PPP2R2B: variants seen among roughly 807,000 people sequenced by gnomAD.
PPP2R2B encodes protein phosphatase 2 regulatory subunit Bbeta.
Under a neutral mutation model 46.0 loss-of-function variants are expected in PPP2R2B, and 5 were observed. The observed-to-expected ratio is 0.11, with a 90% CI of 0.06 to 0.23. The LOEUF (loss-of-function observed/expected upper bound fraction) is 0.23, where lower values mean the gene tolerates loss of function less well. Ranked by LOEUF, PPP2R2B falls within the 10% of genes least tolerant of loss-of-function variation. PPP2R2B has a pLI of 1.00. For missense variants in PPP2R2B, 367 were observed against 575.0 expected (o/e 0.64, Z 3.70); for synonymous variants, 215 against 206.7 (o/e 1.04, Z -0.34).
At chr5:146,868,216 C>T (rs1473234172) in intron 2 of PPP2R2B, among the ~76,000 whole-genome samples, 2 of 152,242 alleles carry the variant, frequency 1.3e-5, no homozygotes, top group Admixed American at 6.5e-5. Context: ...AATGGCTCCT[C>T]TCAAAGTCAT....
intron 1 of PPP2R2B, among the ~76,000 whole-genome samples, chr5:147,033,404 T>C (rs1755888165): frequency 6.6e-6 from 1 of 152,166 alleles, no homozygotes; most frequent in Non-Finnish European, 1.5e-5. Context: ...ATAAGTTGCA[T>C]TGGAACAGAG....
chr5:146,856,323 T>C (rs1259967940), intron 2 of PPP2R2B, among the ~76,000 whole-genome samples: 1 of 152,160 alleles, frequency 6.6e-6, no homozygotes, highest in African/African-American at 2.4e-5. Flanking sequence ...CAATAACTAT[T>C]TAAAAAATGT....
chr5:146,778,067 G>T (rs1755296758), intron 2 of PPP2R2B, among the ~76,000 whole-genome samples: 2 of 152,142 alleles, frequency 1.3e-5, no homozygotes, highest in Admixed American at 6.5e-5. Context: ...TGAGAATTGT[G>T]TACAACTAGA....
chr5:146,738,674 C>A (rs1201957881), intron 2 of PPP2R2B, among the ~76,000 whole-genome samples: 3 of 152,064 alleles, frequency 2.0e-5, no homozygotes, highest in Non-Finnish European at 4.4e-5. Context: ...ACCAAGGAAC[C>A]AAGAGTCAGA....
intron 2 of PPP2R2B, among the ~76,000 whole-genome samples, chr5:146,714,802 AT>A (rs10717730): frequency 0.27 from 39,982 of 150,432 alleles, 6,227 homozygotes; most frequent in African/African-American, 0.44. Flanking sequence ...AGACCTCTTG[AT>A]TTTTTTTTTG....
chr5:146,598,986 C>T (rs1771511312), intron 8 of PPP2R2B, among the ~76,000 whole-genome samples: 1 of 152,106 alleles, frequency 6.6e-6, no homozygotes, highest in Non-Finnish European at 1.5e-5. Context: ...TACATTATAT[C>T]TCAAGGAAAA....
chr5:146,782,397 A>G (rs1446975951), intron 2 of PPP2R2B, among the ~76,000 whole-genome samples: 1 of 152,216 alleles, frequency 6.6e-6, no homozygotes, highest in Non-Finnish European at 1.5e-5. Context: ...TTTCTATATT[A>G]ATCCAGGAAA....
At chr5:146,933,790 T>A (rs1011966775) in intron 1 of PPP2R2B, among the ~76,000 whole-genome samples, 5 of 151,406 alleles carry the variant, frequency 3.3e-5, no homozygotes, top group Non-Finnish European at 7.4e-5. Flanking sequence ...CACTAACTTG[T>A]CATCTAGCAT....
intron 7 of PPP2R2B, among the ~76,000 whole-genome samples, chr5:146,634,094 T>G (rs1774623692): frequency 6.6e-6 from 1 of 152,170 alleles, no homozygotes; most frequent in African/African-American, 2.4e-5. Context: ...TGTAAAGGTG[T>G]TTTTGGAATA....
At position 146,688,611 on chromosome 5, in the gene PPP2R2B, G is replaced by A. The variant is rs534242919; in HGVS notation, c.447+2517C>T. Among the ~76,000 whole-genome samples, 7 of 152,206 alleles carry A rather than the reference G, an allele frequency of 4.6e-5. No homozygotes were observed. The East Asian group carries it at 1.4e-3, about 29-fold the overall frequency. ...TTTTCCAACTCCCAGCCACACCTCA[G>A]GGCCTCCTTCTCTGTTTCATCTGAA... On this transcript the variant is annotated intron_variant, in intron 5 of 9. Coordinates refer to ENST00000394411, the MANE Select transcript of PPP2R2B (RefSeq NM_181675.4).
At chr5:146,793,204 GAAGTTGTTATCAACTGA>G (rs1427404621) in intron 2 of PPP2R2B, among the ~76,000 whole-genome samples, 11 of 152,230 alleles carry the variant, frequency 7.2e-5, no homozygotes, top group Non-Finnish European at 1.5e-5. Flanking sequence ...CTAGAAGGAT[GAAGTTGTTATCAACTGA>G]GGAAGGGACA....
intron 1 of PPP2R2B, among the ~76,000 whole-genome samples, chr5:146,889,807 C>T (rs1286646092): frequency 6.6e-6 from 1 of 152,184 alleles, no homozygotes; most frequent in Non-Finnish European, 1.5e-5. Flanking sequence ...GGGCAGTTTT[C>T]GGGATTCCAC....
intron 1 of PPP2R2B, among the ~76,000 whole-genome samples, chr5:146,991,448 A>G (rs561010656): frequency 6.6e-6 from 1 of 152,246 alleles, no homozygotes; most frequent in East Asian, 1.9e-4. Context: ...AGAACCAGGA[A>G]TGGTTGGCCA....
At chr5:147,026,228 C>T (rs934527026) in intron 1 of PPP2R2B, among the ~76,000 whole-genome samples, 4 of 152,006 alleles carry the variant, frequency 2.6e-5, no homozygotes, top group African/African-American at 9.7e-5. Context: ...GGAAACAATC[C>T]AAATATCCAT....
chr5:146,782,502 C>G (rs1429040788), intron 2 of PPP2R2B, among the ~76,000 whole-genome samples: 1 of 152,136 alleles, frequency 6.6e-6, no homozygotes, highest in East Asian at 1.9e-4. Context: ...CACATGAATT[C>G]ACTTCAGCCT....
rs1225379702 is a variant in PPP2R2B at position 146,624,084 on chromosome 5, C to G, written c.790+14167G>C. On this transcript the variant is annotated intron_variant, in intron 7 of 9. Coordinates refer to ENST00000394411, the MANE Select transcript of PPP2R2B (RefSeq NM_181675.4). ...TGTAAGAAAAAAAACCAATCATTGT[C>G]AGTGTTTCAGACTTAATGTTTTCTA... is the stretch of plus-strand genomic sequence containing the variant. Among the ~76,000 whole-genome samples the G allele has an allele frequency of 2.6e-5, 4 of 152,136 alleles. No homozygotes were observed. In the South Asian group the frequency reaches 6.2e-4, roughly 24 times the overall value.
intron 2 of PPP2R2B, among the ~76,000 whole-genome samples, chr5:146,713,302 TA>T (rs1474452414): frequency 6.6e-6 from 1 of 151,684 alleles, no homozygotes; most frequent in East Asian, 1.9e-4. Flanking sequence ...AAACAAGGGG[TA>T]AATAGGTAGG....
At chr5:146,860,073 A>G (rs138089969) in intron 2 of PPP2R2B, among the ~76,000 whole-genome samples, 7 of 152,320 alleles carry the variant, frequency 4.6e-5, no homozygotes, top group African/African-American at 1.4e-4. Context: ...TTTTACCTTT[A>G]TCTTGGACTA....
rs188494794 is a variant in PPP2R2B, at chr5:146,849,262, T to A, written c.70+28740A>T. On this transcript the variant is annotated intron_variant, in intron 2 of 9. Coordinates refer to ENST00000394411, the MANE Select transcript of PPP2R2B (RefSeq NM_181675.4). ...AAATATATGTGTGCATATAACCCTA[T>A]GTATATCTACATAAATATTTCTATA... Among the ~76,000 whole-genome samples the A allele has an allele frequency of 1.2e-3, 176 of 152,340 alleles. 1 individual carries two copies. The East Asian group carries it at 0.02, about 18-fold the overall frequency.
Sources: allele counts gnomAD v4.1 joint callset (sites outside exome capture counted in the v4.1 genomes callset), GRCh38; gene constraint gnomAD v4.1.1; transcripts MANE v1.5; gene names NCBI Gene and HGNC (gene_info 2026-07-23, HGNC 2026-07-21).